The following FLRT2 variants were observed in gnomAD, a reference collection of about 807,000 sequenced individuals.
FLRT2 encodes fibronectin leucine rich transmembrane protein 2.
FLRT2 carries 15 observed loss-of-function variants against 40.0 expected under a neutral mutation model. The observed-to-expected ratio is 0.38, with a 90% confidence interval of 0.25 to 0.58. FLRT2 has a LOEUF of 0.58. Among genes scored for constraint, FLRT2 ranks in the 20% least tolerant of loss-of-function variants. The pLI, the probability that FLRT2 is intolerant of heterozygous loss-of-function variation, is 0.71. For missense variants in FLRT2, 726 were observed against 840.0 expected, an observed-to-expected ratio of 0.86 and a Z score of 1.68; for synonymous variants, 380 against 336.8, an observed-to-expected ratio of 1.13 and a Z score of -1.41.
chr14:85,545,333 A>G (rs1889219912), intron 1 of FLRT2, among the ~76,000 whole-genome samples: 1 of 152,222 alleles, frequency 6.6e-6, no homozygotes, highest in Non-Finnish European at 1.5e-5. Context: ...AAAGTTGTGA[A>G]TAGCCCCATT....
At chr14:85,591,949 T>C (rs943740746) in intron 1 of FLRT2, among the ~76,000 whole-genome samples, 6 of 152,176 alleles carry the variant, frequency 3.9e-5, no homozygotes. Flanking sequence ...GCTATATAAT[T>C]TTAATATGCA....
intron 1 of FLRT2, among the ~76,000 whole-genome samples, chr14:85,553,174 C>A (rs1322889878): frequency 6.6e-6 from 1 of 152,204 alleles, no homozygotes; most frequent in Non-Finnish European, 1.5e-5. Context: ...GCGTACCCAG[C>A]TCTTCTTTGT....
At position 85,644,466 on chromosome 14, in the gene FLRT2, G is replaced by A. The variant is rs1477725215; in HGVS notation, c.*20969G>A. 6.6e-6 allele frequency: 1 copy of A among 152,144 alleles called. No individual in the cohort carries two copies. The highest frequency in any genetic ancestry group is 1.5e-5 in the Non-Finnish European group (1 of 68,038). 9.4% of individuals were successfully genotyped at this position (152,144 alleles called of 1,614,324 possible). A position where few individuals can be genotyped will look rare whatever the true frequency, so the allele number is the denominator to read the frequency against. On this transcript the variant is annotated 3_prime_UTR_variant, in exon 2 of 2. Coordinates refer to ENST00000330753, the MANE Select transcript of FLRT2 (RefSeq NM_013231.6). ...CAGGTCTACAGCTTAATAACATCATGTGACTGAAGTGGAAGAACTGGAAGG... is the reference window on the plus strand; with the variant it reads ...CAGGTCTACAGCTTAATAACATCATATGACTGAAGTGGAAGAACTGGAAGG...
chr14:85,607,099 G>A (rs1001888201), intron 1 of FLRT2, among the ~76,000 whole-genome samples: 4 of 151,876 alleles, frequency 2.6e-5, no homozygotes, highest in African/African-American at 4.8e-5. Flanking sequence ...TTTTTATCCC[G>A]CTGGAGAAGA....
In FLRT2 at chr14:85,638,754, T is replaced by C. The variant is rs920335636; in HGVS notation, c.*15257T>C. 3 of 152,214 alleles carry C rather than the reference T, an allele frequency of 2.0e-5. No individual in the cohort carries two copies. The highest frequency in any genetic ancestry group is 7.2e-5 in the African/African-American group (3 of 41,456). 9.4% of individuals were successfully genotyped at this position (152,214 alleles called of 1,614,324 possible). A position where few individuals can be genotyped will look rare whatever the true frequency, so the allele number is the denominator to read the frequency against. On this transcript the variant is annotated 3_prime_UTR_variant, in exon 2 of 2. Coordinates refer to ENST00000330753, the MANE Select transcript of FLRT2 (RefSeq NM_013231.6). ...ATAACCACTGAATGTTCTAATTCCA[T>C]GAATTTAAATGACGCACCTGAACAT...
chr14:85,577,198 A>G (rs901273190), intron 1 of FLRT2, among the ~76,000 whole-genome samples: 14 of 152,210 alleles, frequency 9.2e-5, no homozygotes, highest in African/African-American at 3.1e-4. Flanking sequence ...TTTGAATCTT[A>G]TAATTCTGGT....
Position 85,622,110 on chromosome 14 carries a change from C to G in FLRT2, c.596C>G (p.Ala199Gly). ...CGAATTGCTGTCATATCCGACATGG[C>G]CTTCCAGAATCTCACGAGCTTGGAG... ...ENRIAVISDM[A>G]FQNLTSLERL... Residue 199 changes from alanine to glycine, a missense_variant, in exon 2 of 2, where the codon GCC becomes GGC. By Grantham distance (60) the Ala-to-Gly change is moderately conservative. Transcript: ENST00000330753. The G allele has an allele frequency of 6.2e-7, 1 of 1,614,138 alleles. No individual in the cohort carries two copies. The highest frequency in any genetic ancestry group is 8.5e-7 in the Non-Finnish European group (1 of 1,180,018).
chr14:85,594,360 C>A (rs1040829243), intron 1 of FLRT2, among the ~76,000 whole-genome samples: 3 of 152,086 alleles, frequency 2.0e-5, no homozygotes, highest in Non-Finnish European at 2.9e-5. Flanking sequence ...TGTGTGTACA[C>A]GTCTTTGAGT....
intron 1 of FLRT2, among the ~76,000 whole-genome samples, chr14:85,538,436 G>A (rs752356350): frequency 4.6e-5 from 7 of 152,086 alleles, no homozygotes; most frequent in East Asian, 1.9e-4. Context: ...ACCATTAGAT[G>A]CTCATTAGAA....
At chr14:85,544,344 G>A (rs1029738506) in intron 1 of FLRT2, among the ~76,000 whole-genome samples, 16 of 152,032 alleles carry the variant, frequency 1.1e-4, no homozygotes, top group African/African-American at 3.1e-4. Flanking sequence ...TAAAACTATC[G>A]GTTACGTAGA....
rs188407245 is a variant in FLRT2 at position 85,621,484 on chromosome 14, C to T, written c.-31C>T. 1 of 1,539,958 alleles carries T rather than the reference C, an allele frequency of 6.5e-7. No individual in the cohort carries two copies. The highest frequency in any genetic ancestry group is 8.7e-7 in the Non-Finnish European group (1 of 1,143,988). ...TTTTTTTTTCTTTTTCTTTTTCCCACCACATTGTATTTTATTTCCGTACTT... is the reference window on the plus strand; with the variant it reads ...TTTTTTTTTCTTTTTCTTTTTCCCATCACATTGTATTTTATTTCCGTACTT... On this transcript the variant is annotated 5_prime_UTR_variant, in exon 2 of 2. Transcript: ENST00000330753.
intron 1 of FLRT2, among the ~76,000 whole-genome samples, chr14:85,535,639 C>T (rs1888600797): frequency 1.3e-5 from 2 of 152,128 alleles, no homozygotes; most frequent in Non-Finnish European, 2.9e-5. Flanking sequence ...TACTACTTCT[C>T]TTCCTCCCCT....
At chr14:85,601,173 T>A (rs1566749351) in intron 1 of FLRT2, among the ~76,000 whole-genome samples, 1 of 151,890 alleles carries the variant, frequency 6.6e-6, no homozygotes, top group African/African-American at 2.4e-5. Flanking sequence ...CTGTAGGTAG[T>A]GTAGGATGAG....
intron 1 of FLRT2, among the ~76,000 whole-genome samples, chr14:85,592,336 G>T (rs1891927445): frequency 6.6e-6 from 1 of 152,074 alleles, no homozygotes; most frequent in Non-Finnish European, 1.5e-5. Flanking sequence ...TGCAAATTGT[G>T]GGACACGTGG....
intron 1 of FLRT2, among the ~76,000 whole-genome samples, chr14:85,532,042 A>G (rs1269466245): frequency 1.3e-5 from 2 of 152,244 alleles, no homozygotes; most frequent in African/African-American, 2.4e-5. Context: ...TGCGAAGGAA[A>G]TAAAAAACAA....
intron 1 of FLRT2, among the ~76,000 whole-genome samples, chr14:85,581,146 G>A (rs1400116889): frequency 1.3e-5 from 2 of 152,090 alleles, no homozygotes; most frequent in East Asian, 3.9e-4. Flanking sequence ...CTTGAAATTT[G>A]CGCGACCGCC....
At chr14:85,616,373 C>A (rs1235524934) in intron 1 of FLRT2, among the ~76,000 whole-genome samples, 2 of 150,764 alleles carry the variant, frequency 1.3e-5, no homozygotes, top group African/African-American at 4.9e-5. Flanking sequence ...TCTTGTAAAG[C>A]AACTATTTTT....
intron 1 of FLRT2, among the ~76,000 whole-genome samples, chr14:85,606,579 C>T (rs554783157): frequency 2.2e-5 from 3 of 136,120 alleles, no homozygotes; most frequent in Non-Finnish European, 3.0e-5. Flanking sequence ...GACTGGAGTG[C>T]GGTGGTGCGA....
chr14:85,654,400 TA>T lies in FLRT2; in HGVS notation c.*30909del, dbSNP rs915051555. The T allele has an allele frequency of 6.6e-6, 1 of 152,210 alleles. No individual in the cohort carries two copies. The highest frequency in any genetic ancestry group is 1.5e-5 in the Non-Finnish European group (1 of 68,026). 9.4% of individuals were successfully genotyped at this position (152,210 alleles called of 1,614,324 possible). ...TTCATATCTCTGTGCATACTCTTAATAAAAAATGGTATAATACATTTAAGCA... is the reference window on the plus strand; with the variant it reads ...TTCATATCTCTGTGCATACTCTTAATAAAAATGGTATAATACATTTAAGCA... On this transcript the variant is annotated 3_prime_UTR_variant, in exon 2 of 2. Coordinates refer to ENST00000330753, the MANE Select transcript of FLRT2 (RefSeq NM_013231.6).
Sources: gnomAD v4.1 joint callset for allele counts (sites outside exome capture counted in the v4.1 genomes callset) on GRCh38, gnomAD v4.1.1 for gene constraint, MANE v1.5 for transcripts, NCBI Gene and HGNC (gene_info 2026-07-23, HGNC 2026-07-21) for gene names.